Variants in ITGA1 observed in about 807,000 individuals in gnomAD.
The protein encoded by ITGA1 is integrin subunit alpha 1.
ITGA1 carries 85 observed loss-of-function variants against 145.9 expected under a neutral mutation model. The ratio of observed to expected loss-of-function variants is 0.58; its 90% CI spans 0.49 to 0.70. The LOEUF (loss-of-function observed/expected upper bound fraction) is 0.70. Among genes scored for constraint, ITGA1 ranks in the 30% least tolerant of loss-of-function variants. ITGA1 has a pLI of 0.00. For missense variants in ITGA1, 1,351 were observed against 1,418.7 expected (o/e 0.95, Z 0.77); for synonymous variants, 520 against 495.3 (o/e 1.05, Z -0.66).
intron 11 of ITGA1, chr5:52,904,722 G>C (rs971496095): frequency 2.0e-5 from 3 of 151,956 alleles, no homozygotes; most frequent in East Asian, 1.9e-4. Flanking sequence ...GCGTGGTGGC[G>C]GGCGCCTGTA....
At position 52,800,244 on chromosome 5, in the gene ITGA1, C is replaced by G; in HGVS notation, c.61+11830C>G. 6.9e-6 allele frequency: 5 copies of G among 720,106 alleles called. No individual in the cohort carries two copies. In the South Asian group the frequency reaches 9.0e-5, roughly 13 times the overall value. The allele number at this position is 720,106 out of a possible 1,614,324, so 44.6% of individuals were successfully genotyped here. A position where few individuals can be genotyped will look rare whatever the true frequency, so the allele number is the denominator to read the frequency against. On this transcript the variant is annotated intron_variant, in intron 1 of 28. Transcript: ENST00000282588. ...AAGTGCTGCCCTAGGCTGCATGAGT[C>G]GAAGCAAGCGTGTTTCCTTCCCGCC...
chr5:52,907,421 T>A (rs994271027), intron 12 of ITGA1, among the ~76,000 whole-genome samples: 1 of 152,158 alleles, frequency 6.6e-6, no homozygotes, highest in African/African-American at 2.4e-5. Context: ...TGATCCATTA[T>A]CACTCCATTA....
At chr5:52,841,258 G>C (rs1016798886) in intron 1 of ITGA1, among the ~76,000 whole-genome samples, 1 of 152,156 alleles carries the variant, frequency 6.6e-6, no homozygotes, top group African/African-American at 2.4e-5. Flanking sequence ...AGGAGACACT[G>C]AGTTGGATAT....
intron 2 of ITGA1, among the ~76,000 whole-genome samples, chr5:52,859,214 T>G (rs868330417): frequency 3.5e-4 from 53 of 152,276 alleles, no homozygotes; most frequent in African/African-American, 1.3e-3. Flanking sequence ...TCACTTTGAG[T>G]TCGATCATAA....
rs1751309459 is a variant in ITGA1 at position 52,956,594 on chromosome 5, A to T, written c.*4143A>T. 6.6e-6 allele frequency: 1 copy of T among 152,266 alleles called. No individual in the cohort carries two copies. The highest frequency in any genetic ancestry group is 1.5e-5 in the Non-Finnish European group (1 of 68,060). 9.4% of individuals were successfully genotyped at this position (152,266 alleles called of 1,614,324 possible). On this transcript the variant is annotated 3_prime_UTR_variant, in exon 29 of 29. Coordinates refer to ENST00000282588, the MANE Select transcript of ITGA1 (RefSeq NM_181501.2). The stretch of plus-strand genomic sequence containing the variant: ...TAGTATAATGGAGGAGGGACAAAGC[A>T]GAATATACTTCCAAGCTGGAACATC...
chr5:52,932,810 A>G (rs1174670469), intron 22 of ITGA1: 2 of 152,144 alleles, frequency 1.3e-5, no homozygotes, highest in Non-Finnish European at 2.9e-5. Context: ...AGTGGCTAAC[A>G]TTTATTGAGC....
rs575588251 is a variant in ITGA1 at position 52,835,510 on chromosome 5, C to T, written c.62-13855C>T. Among the ~76,000 whole-genome samples, 124 of 152,054 alleles carry T rather than the reference C, an allele frequency of 8.2e-4. 1 individual carries two copies. Among genetic ancestry groups the T allele is most frequent in the Non-Finnish European group, 1.5e-3 (103 of 68,000 alleles). On this transcript the variant is annotated intron_variant, in intron 1 of 28. Coordinates refer to ENST00000282588, the MANE Select transcript of ITGA1 (RefSeq NM_181501.2). ...GAATACAAGATGTTTCAGGGAACTG[C>T]GCATATTGAAGGGTGGCCATTACTT...
intron 1 of ITGA1, among the ~76,000 whole-genome samples, chr5:52,834,649 GAAAA>G (rs1749134395): frequency 1.4e-5 from 2 of 147,348 alleles, no homozygotes; most frequent in South Asian, 2.1e-4. Flanking sequence ...CAGAAAGAAA[GAAAA>G]AGAAAGAGAA....
rs372139364 is a variant in ITGA1, at chr5:52,829,844, G to A, written c.62-19521G>A. On this transcript the variant is annotated intron_variant, in intron 1 of 28. Transcript: ENST00000282588. ...CTGTCCTTAAGTGATCAATAATATT[G>A]GTATTTGGTCATTTTGAACATTGTG... 3.9e-5 allele frequency among the ~76,000 whole-genome samples: 6 copies of A among 151,990 alleles called. No homozygotes were observed. The East Asian group carries it at 9.7e-4, about 25-fold the overall frequency.
chr5:52,792,205 A>G (rs926013213), intron 1 of ITGA1, among the ~76,000 whole-genome samples: 1 of 152,190 alleles, frequency 6.6e-6, no homozygotes, highest in African/African-American at 2.4e-5. Context: ...CCTAGAAGCA[A>G]GGGTCTTCTT....
intron 12 of ITGA1, 63 bp downstream of exon 12, chr5:52,905,971 T>C: frequency 2.8e-6 from 4 of 1,441,294 alleles, no homozygotes; most frequent in Non-Finnish European, 3.8e-6. Context: ...ATATTTACTG[T>C]CTATTGTCCT....
intron 1 of ITGA1, among the ~76,000 whole-genome samples, chr5:52,847,501 A>G (rs927381609): frequency 1.3e-5 from 2 of 152,158 alleles, no homozygotes; most frequent in African/African-American, 4.8e-5. Flanking sequence ...AATGTACCTG[A>G]TGAGGCTCTG....
chr5:52,908,810 A>G, intron 12 of ITGA1, 88 bp from the exon 13 acceptor site: 1 of 1,420,638 alleles, frequency 7.0e-7, no homozygotes, highest in Non-Finnish European at 9.7e-7. Flanking sequence ...CCTCTTCTAG[A>G]TTGCTAGAAG....
chr5:52,919,106 T>C (rs755667780), intron 16 of ITGA1, among the ~76,000 whole-genome samples: 5 of 152,122 alleles, frequency 3.3e-5, no homozygotes, highest in Admixed American at 3.3e-4. Flanking sequence ...AGAAATTACA[T>C]GTTTGTATGC....
intron 1 of ITGA1, among the ~76,000 whole-genome samples, chr5:52,810,880 A>G (rs1748674461): frequency 6.6e-6 from 1 of 152,218 alleles, no homozygotes. Context: ...GTAGGTAGGA[A>G]ATGTGGAGAA....
At chr5:52,879,502 A>T (rs888415990) in intron 6 of ITGA1, among the ~76,000 whole-genome samples, 1 of 152,242 alleles carries the variant, frequency 6.6e-6, no homozygotes. Context: ...GTATCCATGG[A>T]TATGTCCCTT....
At position 52,911,703 on chromosome 5, in the gene ITGA1, ATCT is replaced by A. The variant is rs1750543971; in HGVS notation, c.1857+1285_1857+1287del. ...ACTATATATACTATACATATAGTGT[ATCT>A]ACTATATATACTATACATATAGTGT... On this transcript the variant is annotated intron_variant, in intron 14 of 28. Coordinates refer to ENST00000282588, the MANE Select transcript of ITGA1 (RefSeq NM_181501.2). 6.6e-5 allele frequency among the ~76,000 whole-genome samples: 9 copies of A among 136,758 alleles called. No individual in the cohort carries two copies. In the Admixed American group the frequency reaches 7.0e-4, roughly 11 times the overall value. The allele number at this position is 136,758 out of a possible 152,430, so 89.7% of individuals were successfully genotyped here.
intron 18 of ITGA1, among the ~76,000 whole-genome samples, chr5:52,924,379 G>C (rs1187068775): frequency 6.6e-6 from 1 of 152,128 alleles, no homozygotes; most frequent in African/African-American, 2.4e-5. Flanking sequence ...CCCTATTTAG[G>C]GGAGTTTGGG....
chr5:52,885,321 A>T (rs1750030527), intron 7 of ITGA1, among the ~76,000 whole-genome samples: 1 of 152,176 alleles, frequency 6.6e-6, no homozygotes, highest in East Asian at 1.9e-4. Context: ...GCTTCTGATC[A>T]TGGCCTGGTC....
Sources: allele counts gnomAD v4.1 joint callset (sites outside exome capture counted in the v4.1 genomes callset), GRCh38; gene constraint gnomAD v4.1.1; transcripts MANE v1.5; gene names NCBI Gene and HGNC (gene_info 2026-07-23, HGNC 2026-07-21).